The following MEI4 variants were observed in gnomAD, a reference collection of about 807,000 sequenced individuals.
The protein encoded by MEI4 is meiotic double-stranded break formation protein 4, also known as meiosis-specific protein MEI4.
In MEI4, 27 loss-of-function variants were observed where a neutral mutation model predicts 31.4. The observed-to-expected ratio is 0.86, with a 90% CI of 0.63 to 1.19. The LOEUF is 1.19. MEI4 is among the 50% of genes most tolerant of loss of function. The probability of loss-of-function intolerance (pLI) is 0.00; values close to 1 mark genes in which losing one functional copy is unlikely to be tolerated. For missense variants in MEI4, 329 were observed against 398.9 expected, an observed-to-expected ratio of 0.82 and a Z score of 1.49; for synonymous variants, 122 against 145.4, an observed-to-expected ratio of 0.84 and a Z score of 1.16.
intron 4 of MEI4, among the ~76,000 whole-genome samples, chr6:77,881,099 T>C (rs74726997): frequency 7.4e-6 from 1 of 135,110 alleles, no homozygotes; most frequent in Admixed American, 7.6e-5. Flanking sequence ...TTTTTTTTTT[T>C]AAAGCCTATG....
intron 4 of MEI4, among the ~76,000 whole-genome samples, chr6:77,920,720 A>T (rs888271705): frequency 3.3e-5 from 5 of 151,932 alleles, no homozygotes; most frequent in African/African-American, 9.7e-5. Context: ...CTCTTGAGCC[A>T]TGGGCTGCAA....
At chr6:77,698,042 A>G (rs532867166) in intron 2 of MEI4, among the ~76,000 whole-genome samples, 4 of 151,976 alleles carry the variant, frequency 2.6e-5, no homozygotes, top group African/African-American at 9.7e-5. Context: ...GTGTCTTTTG[A>G]TCTTTGTTGG....
chr6:77,815,642 T>C (rs539925221), intron 3 of MEI4, among the ~76,000 whole-genome samples: 1 of 152,242 alleles, frequency 6.6e-6, no homozygotes, highest in Non-Finnish European at 1.5e-5. Context: ...TTGCTAAGTA[T>C]GAGAACTTAG....
chr6:77,680,128 A>AAAAAAT lies in MEI4; in HGVS notation c.-14-10529_-14-10528insAAAATA, dbSNP rs1247876878. 8.7e-5 allele frequency among the ~76,000 whole-genome samples: 10 copies of AAAAAAT among 115,508 alleles called. 2 individuals are homozygous for AAAAAAT. Among genetic ancestry groups the AAAAAAT allele is most frequent in the Admixed American group, 3.5e-4 (4 of 11,328 alleles). 75.8% of individuals were successfully genotyped at this position (115,508 alleles called of 152,430 possible). ...CTACTAAAAATACAAAAAAAAAAAA[A>AAAAAAT]ATTAGCTGGGCGTGATGGCGGGCGC... On this transcript the variant is annotated intron_variant, in intron 1 of 4. Coordinates refer to ENST00000684080, the MANE Select transcript of MEI4 (RefSeq NM_001322247.2).
intron 4 of MEI4, among the ~76,000 whole-genome samples, chr6:77,878,654 CCTTTT>C (rs1423051310): frequency 3.5e-5 from 5 of 144,756 alleles, no homozygotes; most frequent in Non-Finnish European, 7.6e-5. Context: ...TATTCTGTTT[CCTTTT>C]GTTTTCTTTA....
intron 3 of MEI4, among the ~76,000 whole-genome samples, chr6:77,802,232 AT>A (rs1029576262): frequency 6.6e-6 from 1 of 151,848 alleles, no homozygotes; most frequent in Non-Finnish European, 1.5e-5. Flanking sequence ...TAATGGCCTT[AT>A]TTGTCTCTTT....
intron 3 of MEI4, among the ~76,000 whole-genome samples, chr6:77,800,839 A>G (rs1231828864): frequency 1.3e-5 from 2 of 152,178 alleles, no homozygotes; most frequent in Non-Finnish European, 2.9e-5. Context: ...CCAGGGATGA[A>G]GCCCACTTGA....
chr6:77,850,638 A>G (rs1770594702), intron 4 of MEI4, among the ~76,000 whole-genome samples: 1 of 152,234 alleles, frequency 6.6e-6, no homozygotes, highest in Admixed American at 6.5e-5. Flanking sequence ...AATTAATTCA[A>G]GATGGATTAA....
chr6:77,750,247 C>A (rs913390223), intron 2 of MEI4, among the ~76,000 whole-genome samples: 11 of 152,128 alleles, frequency 7.2e-5, no homozygotes, highest in African/African-American at 2.7e-4. Context: ...ATCATAGTGG[C>A]AGGATCAAAT....
chr6:77,908,829 G>A (rs1766361727), intron 4 of MEI4, among the ~76,000 whole-genome samples: 1 of 152,006 alleles, frequency 6.6e-6, no homozygotes, highest in Non-Finnish European at 1.5e-5. Flanking sequence ...ACCCAATACA[G>A]GAGCACCCAG....
chr6:77,663,905 G>A (rs1273394107), intron 1 of MEI4, among the ~76,000 whole-genome samples: 1 of 152,206 alleles, frequency 6.6e-6, no homozygotes, highest in African/African-American at 2.4e-5. Context: ...TGGCTGCCAG[G>A]TGAGTTGAAC....
intron 1 of MEI4, among the ~76,000 whole-genome samples, chr6:77,674,543 G>A (rs985487866): frequency 2.6e-5 from 4 of 152,238 alleles, no homozygotes; most frequent in East Asian, 1.9e-4. Context: ...GCACAGGTTC[G>A]TAGCCTAAGA....
intron 2 of MEI4, among the ~76,000 whole-genome samples, chr6:77,755,825 G>GGTTGTGT (rs1554161604): frequency 6.9e-6 from 1 of 145,168 alleles, no homozygotes; most frequent in Non-Finnish European, 1.5e-5. Context: ...GTGCTGGAAT[G>GGTTGTGT]GTGTGTGTGT....
intron 4 of MEI4, among the ~76,000 whole-genome samples, chr6:77,902,239 T>G (rs1475706708): frequency 1.3e-5 from 2 of 152,124 alleles, no homozygotes; most frequent in Non-Finnish European, 2.9e-5. Flanking sequence ...TCTTTTTCTG[T>G]GACAAAATTC....
intron 4 of MEI4, among the ~76,000 whole-genome samples, chr6:77,866,234 A>G (rs891013360): frequency 1.3e-5 from 2 of 152,006 alleles, no homozygotes; most frequent in Non-Finnish European, 2.9e-5. Context: ...GGCCAGGGCA[A>G]TTAGGCAGGA....
intron 4 of MEI4, among the ~76,000 whole-genome samples, chr6:77,836,646 T>C (rs997277865): frequency 6.6e-6 from 1 of 152,216 alleles, no homozygotes; most frequent in Admixed American, 6.5e-5. Context: ...AGGCAAAATA[T>C]AGCAACAAAA....
intron 4 of MEI4, among the ~76,000 whole-genome samples, chr6:77,852,950 G>T (rs535569277): frequency 1.3e-5 from 2 of 152,264 alleles, no homozygotes; most frequent in Admixed American, 1.3e-4. Flanking sequence ...TGTAATCCCA[G>T]CACTTTGGGA....
At chr6:77,729,485 T>G (rs1179143960) in intron 2 of MEI4, among the ~76,000 whole-genome samples, 2 of 152,184 alleles carry the variant, frequency 1.3e-5, no homozygotes, top group Non-Finnish European at 2.9e-5. Flanking sequence ...ATTGGTGTTT[T>G]CCAAAAAGTA....
intron 1 of MEI4, among the ~76,000 whole-genome samples, chr6:77,664,548 A>G (rs954843851): frequency 3.3e-5 from 5 of 152,082 alleles, no homozygotes; most frequent in Non-Finnish European, 5.9e-5. Context: ...TAAAAAGATT[A>G]TAGGGTGGAG....
Sources: gnomAD v4.1 joint callset for allele counts (sites outside exome capture counted in the v4.1 genomes callset) on GRCh38, gnomAD v4.1.1 for gene constraint, MANE v1.5 for transcripts, NCBI Gene and HGNC (gene_info 2026-07-23, HGNC 2026-07-21) for gene names.